Variants in SCP2 observed in about 807,000 individuals in gnomAD.
SCP2 encodes the protein sterol carrier protein 2.
SCP2 carries 48 observed loss-of-function variants against 71.4 expected under a neutral mutation model. The ratio of observed to expected loss-of-function variants is 0.67; its 90% CI spans 0.53 to 0.86. The LOEUF is 0.86. Ranked by LOEUF, SCP2 falls within the 40% of genes least tolerant of loss-of-function variation. The pLI is 0.00. For missense variants in SCP2, 560 were observed against 655.6 expected (o/e 0.85, Z 1.59); for synonymous variants, 220 against 218.1 (o/e 1.01, Z -0.08).
chr1:53,021,018 T>G (rs1261452513), intron 12 of SCP2, among the ~76,000 whole-genome samples: 1 of 152,152 alleles, frequency 6.6e-6, no homozygotes, highest in Non-Finnish European at 1.5e-5. Context: ...CAACCACTTT[T>G]TTTTTTAGAC....
At chr1:52,998,337 T>C (rs930789285) in intron 11 of SCP2, among the ~76,000 whole-genome samples, 1 of 152,232 alleles carries the variant, frequency 6.6e-6, no homozygotes, top group Admixed American at 6.5e-5. Flanking sequence ...AGCTCACGCC[T>C]GTAATCCCAG....
chr1:53,042,354 T>C (rs1663499184), intron 14 of SCP2, among the ~76,000 whole-genome samples: 1 of 152,118 alleles, frequency 6.6e-6, no homozygotes, highest in Non-Finnish European at 1.5e-5. Flanking sequence ...TTTTTTAATT[T>C]CTCCTTTTCC....
chr1:53,040,362 G>C (rs973382229), intron 14 of SCP2, among the ~76,000 whole-genome samples: 1 of 152,048 alleles, frequency 6.6e-6, no homozygotes, highest in Non-Finnish European at 1.5e-5. Flanking sequence ...TTTTGCTGTT[G>C]CATGAATGTG....
chr1:53,033,500 G>A (rs1200672675), intron 13 of SCP2, among the ~76,000 whole-genome samples: 1 of 151,656 alleles, frequency 6.6e-6, no homozygotes, highest in African/African-American at 2.4e-5. Context: ...AGCTACTTGG[G>A]AGGCTGAGGC....
At chr1:52,975,651 C>T (rs970388562) in intron 7 of SCP2, among the ~76,000 whole-genome samples, 2 of 152,192 alleles carry the variant, frequency 1.3e-5, no homozygotes, top group African/African-American at 4.8e-5. Flanking sequence ...AATTAATGTA[C>T]TTGTATAATA....
chr1:53,019,612 A>G (rs1486923697), intron 12 of SCP2, among the ~76,000 whole-genome samples: 1 of 152,198 alleles, frequency 6.6e-6, no homozygotes, highest in Non-Finnish European at 1.5e-5. Context: ...AGAGAATGGT[A>G]TATGGAAACC....
intron 6 of SCP2, among the ~76,000 whole-genome samples, chr1:52,972,979 T>C (rs1310292424): frequency 1.3e-5 from 2 of 152,236 alleles, no homozygotes; most frequent in South Asian, 4.1e-4. Flanking sequence ...TAGAACTGAG[T>C]GTTTAATTTA....
intron 6 of SCP2, among the ~76,000 whole-genome samples, chr1:52,966,923 C>G (rs756767822): frequency 4.7e-5 from 7 of 149,130 alleles, no homozygotes; most frequent in Non-Finnish European, 8.9e-5. Flanking sequence ...CACGATGGCT[C>G]ATGCCTGTAA....
At chr1:53,045,352 T>G (rs1663724188) in intron 14 of SCP2, among the ~76,000 whole-genome samples, 1 of 152,240 alleles carries the variant, frequency 6.6e-6, no homozygotes, top group African/African-American at 2.4e-5. Context: ...GGCTTTTTTT[T>G]GTTCAACAGC....
intron 13 of SCP2, among the ~76,000 whole-genome samples, chr1:53,033,229 A>G (rs563987151): frequency 6.6e-6 from 1 of 152,374 alleles, no homozygotes; most frequent in East Asian, 1.9e-4. Context: ...TAAATATTTT[A>G]GGATAAAACA....
chr1:53,015,319 T>C (rs1313860698), intron 12 of SCP2, among the ~76,000 whole-genome samples: 1 of 152,186 alleles, frequency 6.6e-6, no homozygotes, highest in Non-Finnish European at 1.5e-5. Context: ...CCTAGCAACC[T>C]AAGTTATTTA....
At chr1:53,009,286 A>C (rs965294035) in intron 11 of SCP2, among the ~76,000 whole-genome samples, 3 of 152,106 alleles carry the variant, frequency 2.0e-5, no homozygotes. Context: ...CTTTAAAGTT[A>C]ATATGAAACC....
At chr1:52,977,656 T>C (rs1047622565) in intron 8 of SCP2, among the ~76,000 whole-genome samples, 1 of 152,206 alleles carries the variant, frequency 6.6e-6, no homozygotes, top group Admixed American at 6.5e-5. Context: ...AATTGGTAAT[T>C]CTTTGCAATA....
At position 53,051,346 on chromosome 1, in the gene SCP2, A is replaced by T. The variant is rs1030304255; in HGVS notation, c.*642A>T. 1 of 152,236 alleles carries T rather than the reference A, an allele frequency of 6.6e-6. No individual in the cohort carries two copies. Among genetic ancestry groups the T allele is most frequent in the South Asian group, 2.1e-4 (1 of 4,834 alleles). The allele number at this position is 152,236 out of a possible 1,614,324, so 9.4% of individuals were successfully genotyped here. A position where few individuals can be genotyped will look rare whatever the true frequency, so the allele number is the denominator to read the frequency against. On this transcript the variant is annotated 3_prime_UTR_variant, in exon 16 of 16. Transcript: ENST00000371514. ...TTCCTTATTGAAAAATCAGTGTATT[A>T]GTCATAAAACACCATCATTAAGAAT...
chr1:52,978,104 C>A, intron 8 of SCP2, 113 bp from the exon 9 acceptor site: 2 of 914,234 alleles, frequency 2.2e-6, no homozygotes, highest in Non-Finnish European at 3.5e-6. Context: ...AGAAGACAAT[C>A]CACTGACCAG....
Position 52,927,459 on chromosome 1 carries a change from G to A in SCP2, c.63G>A (p.Met21Ile). 6.3e-7 allele frequency: 1 copy of A among 1,599,570 alleles called. No homozygotes were observed. The highest frequency in any genetic ancestry group is 8.5e-7 in the Non-Finnish European group (1 of 1,173,754). ...LRRVFVVGVG[M>I]TKFVKPGAEN... ...GGGTGTTCGTGGTGGGGGTTGGCAT[G>A]ACCAAGGTAAACCGAGCAGCGGCCC... The change falls in exon 1 of 16, where the codon ATG (methionine) becomes ATA (isoleucine). Residue 21 changes from methionine (M) to isoleucine (I), a missense_variant. Met to Ile is a conservative substitution (Grantham distance 10). Transcript: ENST00000371514.
chr1:52,965,797 G>A (rs1656901514), intron 6 of SCP2, among the ~76,000 whole-genome samples: 1 of 151,188 alleles, frequency 6.6e-6, no homozygotes, highest in South Asian at 2.1e-4. Flanking sequence ...ACCAAGCTTG[G>A]CTAATTTTTG....
At chr1:52,959,639 G>C (rs1332396869) in intron 5 of SCP2, among the ~76,000 whole-genome samples, 1 of 151,644 alleles carries the variant, frequency 6.6e-6, no homozygotes, top group Non-Finnish European at 1.5e-5. Context: ...TTTTTGTAAA[G>C]TGAGCGTTGA....
chr1:53,018,234 C>T (rs757540128), intron 12 of SCP2, among the ~76,000 whole-genome samples: 1 of 152,142 alleles, frequency 6.6e-6, no homozygotes, highest in Non-Finnish European at 1.5e-5. Context: ...CAAGGAACTC[C>T]CTTATACCTT....
Sources: allele counts gnomAD v4.1 joint callset (sites outside exome capture counted in the v4.1 genomes callset), GRCh38; gene constraint gnomAD v4.1.1; transcripts MANE v1.5; gene names NCBI Gene and HGNC (gene_info 2026-07-23, HGNC 2026-07-21).